The following FARS2 variants were observed in gnomAD, a reference collection of about 807,000 sequenced individuals.
FARS2 encodes the protein phenylalanyl-tRNA synthetase 2, mitochondrial.
FARS2 carries 40 observed loss-of-function variants against 46.4 expected under a neutral mutation model. The observed-to-expected ratio is 0.86, with a 90% confidence interval of 0.67 to 1.12. The LOEUF (loss-of-function observed/expected upper bound fraction) is 1.12, where lower values mean the gene tolerates loss of function less well. Ranked by LOEUF, FARS2 falls within the 50% of genes most tolerant of loss-of-function variation. The pLI, the probability that FARS2 is intolerant of heterozygous loss-of-function variation, is 0.00. For missense variants in FARS2, 513 were observed against 567.9 expected (o/e 0.90, Z 0.98); for synonymous variants, 234 against 214.9 (o/e 1.09, Z -0.78).
chr6:5,719,862 C>T (rs1561819660), intron 6 of FARS2, among the ~76,000 whole-genome samples: 1 of 152,286 alleles, frequency 6.6e-6, no homozygotes, highest in South Asian at 2.1e-4. Flanking sequence ...ATAGTGTTTG[C>T]TTAAACTTGA....
At chr6:5,449,907 G>A (rs1764388809) in intron 4 of FARS2, among the ~76,000 whole-genome samples, 1 of 152,068 alleles carries the variant, frequency 6.6e-6, no homozygotes, top group South Asian at 2.1e-4. Flanking sequence ...GTCATCCCTT[G>A]GTATACATGT....
intron 6 of FARS2, among the ~76,000 whole-genome samples, chr6:5,743,961 C>A (rs1266566457): frequency 6.6e-6 from 1 of 152,250 alleles, no homozygotes; most frequent in Non-Finnish European, 1.5e-5. Flanking sequence ...TCCTGTCTTA[C>A]CTCTTATATA....
At chr6:5,377,749 A>G (rs1358143539) in intron 2 of FARS2, among the ~76,000 whole-genome samples, 1 of 152,180 alleles carries the variant, frequency 6.6e-6, no homozygotes, top group African/African-American at 2.4e-5. Flanking sequence ...TATTTTAAAG[A>G]GCTCTCCTCT....
chr6:5,408,012 AT>A (rs1402941583), intron 3 of FARS2, among the ~76,000 whole-genome samples: 1 of 151,972 alleles, frequency 6.6e-6, no homozygotes, highest in Non-Finnish European at 1.5e-5. Context: ...TATGGAGAGA[AT>A]TTTTTTTAGC....
At chr6:5,723,609 G>A (rs939373887) in intron 6 of FARS2, among the ~76,000 whole-genome samples, 4 of 152,160 alleles carry the variant, frequency 2.6e-5, no homozygotes, top group African/African-American at 4.8e-5. Flanking sequence ...TGCCTCTCTC[G>A]ATCCATTTTT....
chr6:5,319,640 C>T (rs1769823422), intron 1 of FARS2, among the ~76,000 whole-genome samples: 1 of 152,210 alleles, frequency 6.6e-6, no homozygotes, highest in Non-Finnish European at 1.5e-5. Flanking sequence ...ACTTAATAAA[C>T]TCTCACTCCT....
At chr6:5,545,955 C>G (rs1434300440) in intron 5 of FARS2, among the ~76,000 whole-genome samples, 1 of 152,084 alleles carries the variant, frequency 6.6e-6, no homozygotes, top group Non-Finnish European at 1.5e-5. Flanking sequence ...TGGTGAAACC[C>G]TGTCTCTACT....
intron 4 of FARS2, among the ~76,000 whole-genome samples, chr6:5,540,089 C>T (rs537649529): frequency 2.6e-5 from 4 of 152,202 alleles, no homozygotes; most frequent in Non-Finnish European, 4.4e-5. Flanking sequence ...TCACCTGTCC[C>T]GCTTGGCAGT....
At chr6:5,458,971 A>G (rs1279131505) in intron 4 of FARS2, among the ~76,000 whole-genome samples, 1 of 152,210 alleles carries the variant, frequency 6.6e-6, no homozygotes, top group East Asian at 1.9e-4. Flanking sequence ...TTGTTCTCTC[A>G]GATGCATTCC....
intron 6 of FARS2, among the ~76,000 whole-genome samples, chr6:5,750,732 G>C (rs956659700): frequency 6.6e-6 from 1 of 152,160 alleles, no homozygotes; most frequent in Admixed American, 6.5e-5. Flanking sequence ...GGGGAGTTGT[G>C]ATTTTGGTGG....
intron 1 of FARS2, among the ~76,000 whole-genome samples, chr6:5,328,115 TG>T (rs750750678): frequency 5.3e-4 from 80 of 152,378 alleles, no homozygotes; most frequent in African/African-American, 1.8e-3. Flanking sequence ...AATAGATTTT[TG>T]ATAACTAAAT....
intron 4 of FARS2, among the ~76,000 whole-genome samples, chr6:5,437,526 A>G (rs1264306511): frequency 1.3e-5 from 2 of 152,090 alleles, no homozygotes; most frequent in Non-Finnish European, 2.9e-5. Flanking sequence ...TTGAAGCCAT[A>G]TTATTAGGTG....
intron 6 of FARS2, among the ~76,000 whole-genome samples, chr6:5,702,865 T>A (rs1003560066): frequency 6.6e-6 from 1 of 152,004 alleles, no homozygotes; most frequent in Non-Finnish European, 1.5e-5. Context: ...CTGGACAGGG[T>A]CTTGGGGGGA....
At chr6:5,771,182 C>A in intron 6 of FARS2, 109 bp from the exon 7 acceptor site, 1 of 1,214,834 alleles carries the variant, frequency 8.2e-7, no homozygotes, top group Non-Finnish European at 1.2e-6. Flanking sequence ...GGATTCCAAC[C>A]TCAGTTCTCC....
intron 6 of FARS2, among the ~76,000 whole-genome samples, chr6:5,632,391 C>CT (rs1178567302): frequency 2.0e-5 from 3 of 151,112 alleles, no homozygotes; most frequent in African/African-American, 7.3e-5. Context: ...GTTCTTTTTT[C>CT]TTTTTTTTTA....
At chr6:5,271,751 T>C (rs1440335897) in intron 1 of FARS2, among the ~76,000 whole-genome samples, 2 of 151,886 alleles carry the variant, frequency 1.3e-5, no homozygotes, top group African/African-American at 4.8e-5. Context: ...TTAGTAGAGA[T>C]GGGGTTTCAC....
At chr6:5,493,795 A>G (rs1231882963) in intron 4 of FARS2, among the ~76,000 whole-genome samples, 1 of 152,230 alleles carries the variant, frequency 6.6e-6, no homozygotes, top group African/African-American at 2.4e-5. Context: ...CAAATTATTT[A>G]TGTTTTTCTC....
intron 6 of FARS2, among the ~76,000 whole-genome samples, chr6:5,642,144 A>ATG (rs1051264866): frequency 1.3e-5 from 2 of 152,058 alleles, no homozygotes; most frequent in African/African-American, 2.4e-5. Context: ...GTGTGTCTGT[A>ATG]TGTGTGTGTG....
Position 5,580,601 on chromosome 6 carries a change from G to A in FARS2, c.1066-32568G>A, listed in dbSNP as rs113945048. Among the ~76,000 whole-genome samples, 230 of 152,156 alleles carry A rather than the reference G, an allele frequency of 1.5e-3. 4 individuals carry two copies. Among genetic ancestry groups the A allele is most frequent in the African/African-American group, 5.3e-3 (222 of 41,502 alleles). ...TGCCTCAGTTTCTCTCTGTAAAGTG[G>A]GTATAATGCCTCCCTCGCTCATATC... On this transcript the variant is annotated intron_variant, in intron 5 of 6. Transcript: ENST00000274680.
Sources: gnomAD v4.1 joint callset for allele counts (sites outside exome capture counted in the v4.1 genomes callset) on GRCh38, gnomAD v4.1.1 for gene constraint, MANE v1.5 for transcripts, NCBI Gene and HGNC (gene_info 2026-07-23, HGNC 2026-07-21) for gene names.